Variants in CA10 observed in about 807,000 individuals in gnomAD.
CA10 encodes carbonic anhydrase 10 (inactive).
Under a neutral mutation model 44.2 loss-of-function variants are expected in CA10, and 14 were observed. The observed-to-expected ratio is 0.32, with a 90% CI of 0.21 to 0.50. The LOEUF is 0.50. CA10 is among the 20% of genes least tolerant of loss of function. The probability of loss-of-function intolerance (pLI) is 0.99; values close to 1 mark genes in which losing one functional copy is unlikely to be tolerated. For synonymous variants in CA10, 159 were observed against 141.6 expected (o/e 1.12, Z -0.87); for missense variants, 350 against 409.7 (o/e 0.85, Z 1.26).
chr17:52,024,994 G>A (rs2144160887), intron 2 of CA10, among the ~76,000 whole-genome samples: 1 of 151,960 alleles, frequency 6.6e-6, no homozygotes, highest in East Asian at 2.0e-4. Context: ...GCTATGACAT[G>A]ACAGAATGCT....
intron 1 of CA10, among the ~76,000 whole-genome samples, chr17:52,136,299 G>C (rs138319392): frequency 6.6e-6 from 1 of 152,134 alleles, no homozygotes; most frequent in Non-Finnish European, 1.5e-5. Flanking sequence ...ATTTATCTTC[G>C]CTCTGGAGCT....
chr17:51,961,653 TAA>T (rs955946091), intron 2 of CA10, among the ~76,000 whole-genome samples: 1 of 152,054 alleles, frequency 6.6e-6, no homozygotes, highest in African/African-American at 2.4e-5. Context: ...AAAATGATAT[TAA>T]GAGAAAATTA....
intron 4 of CA10, among the ~76,000 whole-genome samples, chr17:51,696,640 G>A (rs900262138): frequency 5.9e-5 from 9 of 151,962 alleles, no homozygotes; most frequent in African/African-American, 1.7e-4. Context: ...AGGTTAGTTC[G>A]TTCTTGTTTT....
At chr17:51,898,132 T>C (rs958565138) in intron 3 of CA10, among the ~76,000 whole-genome samples, 1 of 152,194 alleles carries the variant, frequency 6.6e-6, no homozygotes, top group Non-Finnish European at 1.5e-5. Flanking sequence ...CTGGACATCC[T>C]TGTCTTGTTC....
In CA10 at chr17:52,025,011, C is replaced by T. The variant is rs796849159; in HGVS notation, c.136+47308G>A. On this transcript the variant is annotated intron_variant, in intron 2 of 8. Coordinates refer to ENST00000451037, the MANE Select transcript of CA10 (RefSeq NM_020178.5). ...TATGACATGACAGAATGCTAGACTT[C>T]CCCTTTTACCTTGACCTTAATATAC... Among the ~76,000 whole-genome samples the T allele has an allele frequency of 7.2e-5, 11 of 152,000 alleles. 2 individuals are homozygous for T. The highest frequency in any genetic ancestry group is 2.7e-4 in the African/African-American group (11 of 41,478).
chr17:51,780,435 G>GC (rs1288591383), intron 3 of CA10, among the ~76,000 whole-genome samples: 2 of 152,108 alleles, frequency 1.3e-5, no homozygotes, highest in Non-Finnish European at 2.9e-5. Context: ...CCTCTTTCTG[G>GC]CCACCACACT....
intron 3 of CA10, among the ~76,000 whole-genome samples, chr17:51,836,182 AT>A (rs1218333697): frequency 2.0e-4 from 30 of 152,240 alleles, no homozygotes; most frequent in Non-Finnish European, 4.0e-4. Flanking sequence ...GCAAACACAA[AT>A]AGGACTACAA....
At position 51,694,809 on chromosome 17, in the gene CA10, A is replaced by G. The variant is rs193093689; in HGVS notation, c.466-41073T>C. ...GAGGTCTTACATTTACATCATTAAT[A>G]TATCTTGAGTGAGTTGACTTTTGTA... On this transcript the variant is annotated intron_variant, in intron 4 of 8. Transcript: ENST00000451037. Among the ~76,000 whole-genome samples, 37 of 152,182 alleles carry G rather than the reference A, an allele frequency of 2.4e-4. 1 individual carries two copies. The East Asian group carries it at 6.6e-3, about 27-fold the overall frequency.
At chr17:51,854,014 T>C (rs536710097) in intron 3 of CA10, among the ~76,000 whole-genome samples, 12 of 152,344 alleles carry the variant, frequency 7.9e-5, no homozygotes, top group Non-Finnish European at 1.5e-4. Context: ...TGACCTGTTA[T>C]ACAGGCATGC....
intron 1 of CA10, among the ~76,000 whole-genome samples, chr17:52,107,350 C>T (rs778690231): frequency 4.6e-5 from 7 of 152,092 alleles, no homozygotes; most frequent in African/African-American, 1.2e-4. Context: ...ATACTAACCT[C>T]GAGCACATAT....
At chr17:51,855,529 CAAGA>C (rs1979001649) in intron 3 of CA10, among the ~76,000 whole-genome samples, 1 of 152,108 alleles carries the variant, frequency 6.6e-6, no homozygotes, top group Non-Finnish European at 1.5e-5. Context: ...CTAACTCCAG[CAAGA>C]AAGGAAAGAA....
At chr17:52,008,192 G>T (rs1018000627) in intron 2 of CA10, among the ~76,000 whole-genome samples, 52 of 151,538 alleles carry the variant, frequency 3.4e-4, no homozygotes, top group African/African-American at 1.2e-3. Context: ...CTTTCCAGAG[G>T]ATTCCTTTGC....
chr17:51,742,131 G>A (rs1904487983), intron 4 of CA10, among the ~76,000 whole-genome samples: 1 of 152,162 alleles, frequency 6.6e-6, no homozygotes, highest in Admixed American at 6.5e-5. Flanking sequence ...TCCTGTCTGG[G>A]AGGAGAGAAA....
intron 3 of CA10, among the ~76,000 whole-genome samples, chr17:51,805,031 T>C (rs1329447540): frequency 6.6e-6 from 1 of 152,140 alleles, no homozygotes; most frequent in Non-Finnish European, 1.5e-5. Context: ...GAGTCTGAGG[T>C]CTTTCCACAT....
chr17:51,756,198 G>A (rs569882781), intron 3 of CA10, among the ~76,000 whole-genome samples: 36 of 152,240 alleles, frequency 2.4e-4, no homozygotes, highest in African/African-American at 8.2e-4. Context: ...CTTGACTGTG[G>A]TGTACTCTGG....
chr17:51,942,187 T>G (rs1179365024), intron 2 of CA10, among the ~76,000 whole-genome samples: 1 of 152,124 alleles, frequency 6.6e-6, no homozygotes, highest in Non-Finnish European at 1.5e-5. Context: ...GAGGTTTATG[T>G]GTATGTAGGG....
chr17:51,959,990 A>G (rs1033223990), intron 2 of CA10, among the ~76,000 whole-genome samples: 2 of 151,994 alleles, frequency 1.3e-5, no homozygotes, highest in African/African-American at 4.8e-5. Flanking sequence ...AAATTATTGG[A>G]CAAAGATTTT....
intron 4 of CA10, among the ~76,000 whole-genome samples, chr17:51,695,159 G>T (rs1385227786): frequency 6.6e-6 from 1 of 152,058 alleles, no homozygotes; most frequent in Non-Finnish European, 1.5e-5. Context: ...GGTTCCATAT[G>T]AATTTTAGAA....
At chr17:51,667,633 T>C (rs4794295) in intron 4 of CA10, among the ~76,000 whole-genome samples, 68,705 of 151,796 alleles carry the variant, frequency 0.45, 16,336 homozygotes, top group Admixed American at 0.53. Flanking sequence ...GGTCATTGAA[T>C]GTCACTTCTG....
Sources: gnomAD v4.1 joint callset for allele counts (sites outside exome capture counted in the v4.1 genomes callset) on GRCh38, gnomAD v4.1.1 for gene constraint, MANE v1.5 for transcripts, NCBI Gene and HGNC (gene_info 2026-07-23, HGNC 2026-07-21) for gene names.